The following GLI3 variants were observed in gnomAD, a reference collection of about 807,000 sequenced individuals.
GLI3 encodes GLI family zinc finger 3.
Under a neutral mutation model 100.8 loss-of-function variants are expected in GLI3, and 20 were observed. That is an observed-to-expected ratio of 0.20 (90% confidence interval 0.14 to 0.29). GLI3 has a LOEUF of 0.29. Among genes scored for constraint, GLI3 ranks in the 10% least tolerant of loss-of-function variants. The pLI is 1.00. For missense variants in GLI3, 2,040 were observed against 2,128.5 expected, an observed-to-expected ratio of 0.96 and a Z score of 0.82; for synonymous variants, 938 against 860.5, an observed-to-expected ratio of 1.09 and a Z score of -1.58.
At chr7:41,977,307 A>C (rs1787537430) in intron 12 of GLI3, among the ~76,000 whole-genome samples, 1 of 152,330 alleles carries the variant, frequency 6.6e-6, no homozygotes, top group South Asian at 2.1e-4. Flanking sequence ...GGCAGTTCAA[A>C]ACAACATGAA....
At chr7:42,043,674 C>T (rs759140143) in intron 6 of GLI3, among the ~76,000 whole-genome samples, 1 of 152,152 alleles carries the variant, frequency 6.6e-6, no homozygotes, top group African/African-American at 2.4e-5. Context: ...TTACCATATA[C>T]TCAGGCAAAT....
At chr7:42,155,770 T>C (rs562687805) in intron 2 of GLI3, among the ~76,000 whole-genome samples, 1 of 151,700 alleles carries the variant, frequency 6.6e-6, no homozygotes, top group African/African-American at 2.4e-5. Flanking sequence ...AAATGGCTGT[T>C]CCCCTCACTG....
intron 13 of GLI3, among the ~76,000 whole-genome samples, chr7:41,970,559 C>T (rs1787337839): frequency 6.6e-6 from 1 of 152,024 alleles, no homozygotes; most frequent in African/African-American, 2.4e-5. Flanking sequence ...TACGTTGGCA[C>T]CAACCTAATA....
intron 2 of GLI3, among the ~76,000 whole-genome samples, chr7:42,209,596 C>G (rs1440901454): frequency 6.6e-6 from 1 of 152,130 alleles, no homozygotes; most frequent in Admixed American, 6.6e-5. Context: ...GAGCCCCTGT[C>G]ATGGAGACTT....
At chr7:42,032,089 C>G (rs560934153) in intron 7 of GLI3, among the ~76,000 whole-genome samples, 19 of 152,310 alleles carry the variant, frequency 1.2e-4, no homozygotes, top group Non-Finnish European at 2.6e-4. Flanking sequence ...ATCTCAAAAA[C>G]TATACCCAAT....
intron 1 of GLI3, among the ~76,000 whole-genome samples, chr7:42,246,382 C>G (rs77400287): frequency 0.032 from 4,802 of 152,238 alleles, 136 homozygotes; most frequent in African/African-American, 0.076. Context: ...TCAATCTTCC[C>G]AGTTTTAACT....
intron 2 of GLI3, among the ~76,000 whole-genome samples, chr7:42,192,339 C>T (rs572953265): frequency 1.3e-5 from 2 of 152,196 alleles, no homozygotes; most frequent in Non-Finnish European, 2.9e-5. Flanking sequence ...TGGGTCCATG[C>T]AGCATCTCTT....
At chr7:42,051,375 C>T (rs1442337727) in intron 4 of GLI3, among the ~76,000 whole-genome samples, 4 of 152,100 alleles carry the variant, frequency 2.6e-5, no homozygotes, top group Non-Finnish European at 2.9e-5. Flanking sequence ...AGGAAGTTGA[C>T]AAGAGTAAAG....
chr7:42,076,711 T>C, intron 4 of GLI3, 41 bp downstream of exon 4: 1 of 1,259,180 alleles, frequency 7.9e-7, no homozygotes, highest in South Asian at 1.2e-5. Flanking sequence ...AAAGCCAGCA[T>C]CTCGTTCCAT....
intron 2 of GLI3, among the ~76,000 whole-genome samples, chr7:42,172,316 A>G (rs1787390127): frequency 6.6e-6 from 1 of 152,180 alleles, no homozygotes; most frequent in South Asian, 2.1e-4. Flanking sequence ...GCTCTCACCC[A>G]TGAGATCTCA....
intron 1 of GLI3, among the ~76,000 whole-genome samples, chr7:42,225,149 T>C (rs1258135736): frequency 6.6e-6 from 1 of 152,166 alleles, no homozygotes; most frequent in Admixed American, 6.5e-5. Flanking sequence ...CTTTAAAGTA[T>C]GCCACAAGAA....
intron 13 of GLI3, among the ~76,000 whole-genome samples, chr7:41,971,920 T>G (rs932496721): frequency 1.3e-5 from 2 of 152,180 alleles, no homozygotes; most frequent in Non-Finnish European, 2.9e-5. Flanking sequence ...GCACGGTATT[T>G]GTTTTTCAGT....
At chr7:41,987,007 G>C (rs185551350) in intron 10 of GLI3, among the ~76,000 whole-genome samples, 1 of 151,934 alleles carries the variant, frequency 6.6e-6, no homozygotes, top group East Asian at 1.9e-4. Context: ...CCTTCAGACT[G>C]ACTGGGGTAG....
At chr7:42,172,032 T>A (rs1787384053) in intron 2 of GLI3, among the ~76,000 whole-genome samples, 1 of 151,974 alleles carries the variant, frequency 6.6e-6, no homozygotes, top group African/African-American at 2.4e-5. Flanking sequence ...ATGCATGAGA[T>A]CTCAGCTATG....
At chr7:41,983,988 T>C (rs543984880) in intron 10 of GLI3, among the ~76,000 whole-genome samples, 64 of 152,248 alleles carry the variant, frequency 4.2e-4, no homozygotes, top group African/African-American at 1.5e-3. Flanking sequence ...TCTTCCACTG[T>C]TTCTTCCACT....
intron 4 of GLI3, among the ~76,000 whole-genome samples, chr7:42,067,156 A>C (rs2128749092): frequency 6.6e-6 from 1 of 152,364 alleles, no homozygotes; most frequent in Middle Eastern, 3.4e-3. Context: ...GGCAAATAAC[A>C]TATGAAAAAT....
At chr7:42,071,199 G>T (rs1040331024) in intron 4 of GLI3, among the ~76,000 whole-genome samples, 2 of 152,012 alleles carry the variant, frequency 1.3e-5, no homozygotes, top group African/African-American at 4.8e-5. Context: ...TTTAGTTCAT[G>T]TTTTCTTTTT....
chr7:42,258,169 G>C (rs1057227182), intron 1 of GLI3, among the ~76,000 whole-genome samples: 6 of 152,158 alleles, frequency 3.9e-5, no homozygotes, highest in African/African-American at 1.4e-4. Context: ...GATGTTTTCT[G>C]TCTTGTACAC....
chr7:42,229,246 C>T (rs536413305), intron 1 of GLI3, among the ~76,000 whole-genome samples: 127 of 152,234 alleles, frequency 8.3e-4, no homozygotes, highest in African/African-American at 3.0e-3. Flanking sequence ...ACTCTCTTCT[C>T]TTTTTTTTCT....
Sources: gnomAD v4.1 joint callset for allele counts (sites outside exome capture counted in the v4.1 genomes callset) on GRCh38, gnomAD v4.1.1 for gene constraint, MANE v1.5 for transcripts, NCBI Gene and HGNC (gene_info 2026-07-23, HGNC 2026-07-21) for gene names.